SSX2IP: variants seen among roughly 807,000 people sequenced by gnomAD.
SSX2IP encodes SSX family member 2 interacting protein.
A neutral mutation model predicts 84.9 loss-of-function variants in SSX2IP; 55 were observed. The ratio of observed to expected loss-of-function variants is 0.65; its 90% CI spans 0.52 to 0.81. The LOEUF (loss-of-function observed/expected upper bound fraction) is 0.81, where lower values mean the gene tolerates loss of function less well. SSX2IP is among the 30% of genes least tolerant of loss of function. SSX2IP has a pLI of 0.00. For missense variants in SSX2IP, 664 were observed against 705.2 expected (o/e 0.94, Z 0.66); for synonymous variants, 239 against 234.7 (o/e 1.02, Z -0.17).
rs1655848947 is a variant in SSX2IP at position 84,686,713 on chromosome 1, G to A, written c.-90+3658C>T. On this transcript the variant is annotated intron_variant, in intron 1 of 13. Transcript: ENST00000342203. ...CAAAGAGACAGGGGAACGGACTTCAGGAAAGCCAAGGGAGAAGACTTTTAA... is the reference window on the plus strand; with the variant it reads ...CAAAGAGACAGGGGAACGGACTTCAAGAAAGCCAAGGGAGAAGACTTTTAA... 1.3e-5 allele frequency among the ~76,000 whole-genome samples: 2 copies of A among 152,178 alleles called. 1 individual carries two copies. The highest frequency in any genetic ancestry group is 4.1e-4 in the South Asian group (2 of 4,824).
At chr1:84,686,629 G>A (rs1043732510) in intron 1 of SSX2IP, among the ~76,000 whole-genome samples, 8 of 152,056 alleles carry the variant, frequency 5.3e-5, no homozygotes, top group African/African-American at 1.7e-4. Flanking sequence ...AGGGGCAGGA[G>A]AACAAACCCC....
chr1:84,671,433 GCA>G, intron 1 of SSX2IP, 125 bp from the exon 2 acceptor site: 1 of 630,134 alleles, frequency 1.6e-6, no homozygotes, highest in Non-Finnish European at 2.4e-6. Context: ...CTATTCCCAT[GCA>G]CAGATATAGA....
rs1650052969 is a variant in SSX2IP at position 84,650,450 on chromosome 1, C to T, written c.1582G>A (p.Val528Ile). 4 of 1,614,172 alleles carry T rather than the reference C, an allele frequency of 2.5e-6. No individual in the cohort carries two copies. Among genetic ancestry groups the T allele is most frequent in the Non-Finnish European group, 3.4e-6 (4 of 1,180,026 alleles). Residue 528 changes from valine (V) to isoleucine (I), a missense_variant, in exon 13 of 14, where the codon GTT becomes ATT. Physicochemically the swap from Val to Ile is conservative, Grantham distance 29. Transcript: ENST00000342203. ...KPHSVSNGSP[V>I]CMSKLTKSLP... Reference sequence around the variant, plus strand: ...GATTTAGTAAGTTTAGACATGCAAACTGGAGACCCATTAGACACACTGTGA... The same window carrying T: ...GATTTAGTAAGTTTAGACATGCAAATTGGAGACCCATTAGACACACTGTGA...
intron 1 of SSX2IP, among the ~76,000 whole-genome samples, chr1:84,684,683 A>G (rs1358559741): frequency 1.3e-5 from 2 of 152,200 alleles, no homozygotes; most frequent in African/African-American, 4.8e-5. Flanking sequence ...TCTTCACAAT[A>G]GCGAGTAGCA....
intron 7 of SSX2IP, 39 bp from the exon 8 acceptor site, chr1:84,662,414 AG>A: frequency 6.2e-7 from 1 of 1,610,946 alleles, no homozygotes; most frequent in Non-Finnish European, 8.5e-7. Flanking sequence ...GCAGGATAGA[AG>A]GAAGTCTGAT....
rs1402554032 is a variant in SSX2IP, at chr1:84,669,908, T to C, written c.214-15A>G. 1 of 1,604,136 alleles carries C rather than the reference T, an allele frequency of 6.2e-7. No homozygotes were observed. Among genetic ancestry groups the C allele is most frequent in the East Asian group, 2.2e-5 (1 of 44,708 alleles). ...GTAGTCAATTCCTGGTAGGAGAAAATGTTTTCTTAAAGTTGGTTACAGTTG... is the reference window on the plus strand; with the variant it reads ...GTAGTCAATTCCTGGTAGGAGAAAACGTTTTCTTAAAGTTGGTTACAGTTG... On this transcript the variant is annotated splice_polypyrimidine_tract_variant and intron_variant, in intron 3 of 13. Transcript: ENST00000342203.
At chr1:84,664,618 A>G in intron 5 of SSX2IP, 66 bp from the exon 6 acceptor site, 1 of 1,367,246 alleles carries the variant, frequency 7.3e-7, no homozygotes, top group Non-Finnish European at 9.7e-7. Context: ...AAAAATCCTA[A>G]AATTCATCTC....
Position 84,662,217 on chromosome 1 carries a change from A to C in SSX2IP, c.908T>G (p.Val303Gly). 1.3e-6 allele frequency: 2 copies of C among 1,595,710 alleles called. No individual in the cohort carries two copies. Among genetic ancestry groups the C allele is most frequent in the East Asian group, 4.5e-5 (2 of 44,754 alleles). The change falls in exon 8 of 14, where the codon GTA becomes GGA. Residue 303 changes from valine (V) to glycine (G), a missense_variant. Val to Gly is a moderately radical substitution (Grantham distance 109). Coordinates refer to ENST00000342203, the MANE Select transcript of SSX2IP (RefSeq NM_001166293.2). ...SPQKKKPRER[V>G]DDSTGTVISD... Reference sequence around the variant, plus strand: ...ACTTACAGTTCCTGTACTATCATCTACTCTTTCTCTAGGTTTCTTCTTTTG... The same window carrying C: ...ACTTACAGTTCCTGTACTATCATCTCCTCTTTCTCTAGGTTTCTTCTTTTG...
chr1:84,652,131 C>A, intron 11 of SSX2IP, 134 bp from the exon 12 acceptor site: 1 of 623,390 alleles, frequency 1.6e-6, no homozygotes. Flanking sequence ...ATGAGTTAAC[C>A]TAAAAAACTA....
intron 8 of SSX2IP, among the ~76,000 whole-genome samples, chr1:84,661,840 A>G (rs780685494): frequency 5.3e-5 from 8 of 152,188 alleles, no homozygotes; most frequent in Admixed American, 3.3e-4. Flanking sequence ...ATTATGCCTT[A>G]GTTTCCTTAT....
Position 84,670,713 on chromosome 1 carries a change from A to G in SSX2IP, c.146T>C (p.Val49Ala), listed in dbSNP as rs559787559. 145 of 1,613,118 alleles carry G rather than the reference A, an allele frequency of 9.0e-5. 1 individual carries two copies. In the South Asian group the frequency reaches 1.5e-3, roughly 17 times the overall value. The part of the protein sequence containing the change: ...LCSSIPLSKN[V>A]HSFFSAFCTE... ...GCAGAAGGCACTGAAAAAACTGTGC[A>G]CATTTTTCGATAAAGGTATTGAAGA... is the stretch of plus-strand genomic sequence containing the variant. The change falls in exon 3 of 14, where the codon GTG becomes GCG. Residue 49 changes from valine to alanine, a missense_variant. Transcript: ENST00000342203.
At position 84,669,834 on chromosome 1, in the gene SSX2IP, CTT is replaced by C. The variant is rs754207716; in HGVS notation, c.271_272del (p.Lys91GlufsTer14). 1.9e-6 allele frequency: 3 copies of C among 1,613,490 alleles called. No homozygotes were observed. The highest frequency in any genetic ancestry group is 1.1e-5 in the South Asian group (1 of 91,062). On this transcript the variant is annotated frameshift_variant, in exon 4 of 14. Coordinates refer to ENST00000342203, the MANE Select transcript of SSX2IP (RefSeq NM_001166293.2). LOFTEE classifies it high-confidence loss of function. ...GTACAGCTACTATATTTAACTCTCT[CTT>C]TGTCTCTTTACCTTTGGATTCTTCA... is the stretch of plus-strand genomic sequence containing the variant. Reference protein sequence around the residue: ...LYEESKGKETKRELNIVAVLN... With the variant: ...LYEESKGKETXRELNIVAVLN...
chr1:84,663,910 A>G (rs1652394577), intron 6 of SSX2IP, among the ~76,000 whole-genome samples: 1 of 152,198 alleles, frequency 6.6e-6, no homozygotes, highest in Non-Finnish European at 1.5e-5. Flanking sequence ...GTTTTGAAAA[A>G]GACTACTATT....
chr1:84,671,153 T>G (rs772498242), intron 2 of SSX2IP, 24 bp downstream of exon 2: 1 of 1,603,928 alleles, frequency 6.2e-7, no homozygotes, highest in Non-Finnish European at 8.5e-7. Context: ...CTGCTTTTGT[T>G]TACAATTATT....
intron 13 of SSX2IP, chr1:84,649,842 G>A (rs1482391404): frequency 9.1e-6 from 4 of 439,130 alleles, no homozygotes. Flanking sequence ...GCAATTAAGA[G>A]CAACATATGG....
At chr1:84,651,755 T>C (rs1650284291) in intron 12 of SSX2IP, 128 bp downstream of exon 12, 1 of 603,528 alleles carries the variant, frequency 1.7e-6, no homozygotes, top group Non-Finnish European at 2.8e-6. Flanking sequence ...AGTTGACTTT[T>C]AGTTATAATT....
chr1:84,682,983 T>C lies in SSX2IP; in HGVS notation c.-90+7388A>G, dbSNP rs11164038. On this transcript the variant is annotated intron_variant, in intron 1 of 13. Transcript: ENST00000342203. ...TCAATCTTACAATGATCCAAATACTTTCCCCCATTACAGATAAGGAAACTG... is the reference window on the plus strand; with the variant it reads ...TCAATCTTACAATGATCCAAATACTCTCCCCCATTACAGATAAGGAAACTG... Among the ~76,000 whole-genome samples, 186 of 42,464 alleles carry C rather than the reference T, an allele frequency of 4.4e-3. 1 individual carries two copies. The highest frequency in any genetic ancestry group is 6.7e-3 in the African/African-American group (171 of 25,676). 27.9% of individuals were successfully genotyped at this position (42,464 alleles called of 152,430 possible). A position where few individuals can be genotyped will look rare whatever the true frequency, so the allele number is the denominator to read the frequency against.
intron 5 of SSX2IP, among the ~76,000 whole-genome samples, chr1:84,664,920 T>C (rs1392439793): frequency 6.6e-6 from 1 of 152,198 alleles, no homozygotes; most frequent in Non-Finnish European, 1.5e-5. Context: ...CAATCACTTA[T>C]ACTTTTTATT....
In SSX2IP at chr1:84,658,708, G is replaced by A. The variant is rs1178828375; in HGVS notation, c.928-240C>T. On this transcript the variant is annotated intron_variant, in intron 8 of 13. Coordinates refer to ENST00000342203, the MANE Select transcript of SSX2IP (RefSeq NM_001166293.2). ...TACAGTTAATGACAAGAGTCATGAA[G>A]CTGTCTGAGAAGGAGATATCACTAC... Among the ~76,000 whole-genome samples, 3 of 152,184 alleles carry A rather than the reference G, an allele frequency of 2.0e-5. No homozygotes were observed. The East Asian group carries it at 5.8e-4, about 29-fold the overall frequency.
Sources: allele counts gnomAD v4.1 joint callset (sites outside exome capture counted in the v4.1 genomes callset), GRCh38; gene constraint gnomAD v4.1.1; transcripts MANE v1.5; gene names NCBI Gene and HGNC (gene_info 2026-07-23, HGNC 2026-07-21).